The following PDE4DIP variants were observed in gnomAD, a reference collection of about 807,000 sequenced individuals.
PDE4DIP encodes the protein myomegalin.
A neutral mutation model predicts 221.4 loss-of-function variants in PDE4DIP; 59 were observed. The ratio of observed to expected loss-of-function variants is 0.27; its 90% CI spans 0.22 to 0.33. The LOEUF is 0.33. PDE4DIP is among the 10% of genes least tolerant of loss of function. The pLI, the probability that PDE4DIP is intolerant of heterozygous loss-of-function variation, is 1.00. For missense variants in PDE4DIP, 1,036 were observed against 2,154.2 expected (o/e 0.48, Z 10.28); for synonymous variants, 404 against 815.9 (o/e 0.50, Z 8.60).
At chr1:148,917,250 A>C (rs1405910738) in intron 1 of PDE4DIP, among the ~76,000 whole-genome samples, 1 of 151,796 alleles carries the variant, frequency 6.6e-6, no homozygotes, top group Non-Finnish European at 1.5e-5. Context: ...TGAATAGCTC[A>C]TGACACACTG....
At chr1:148,844,604 T>TA (rs1423992919) in intron 1 of PDE4DIP, 49 of 76,940 alleles carry the variant, frequency 6.4e-4, no homozygotes, top group African/African-American at 2.0e-3. Context: ...ATCCATTTTC[T>TA]AAAAAAGCAG....
At chr1:149,028,264 G>C (rs1380842881) in intron 40 of PDE4DIP, among the ~76,000 whole-genome samples, 2 of 148,534 alleles carry the variant, frequency 1.3e-5, no homozygotes, top group Non-Finnish European at 1.5e-5. Context: ...GTCATCCTCT[G>C]TGCTGTGAGA....
At position 149,032,189 on chromosome 1, in the gene PDE4DIP, C is replaced by G. The variant is rs1311512481; in HGVS notation, c.*204C>G. On this transcript the variant is annotated 3_prime_UTR_variant, in exon 44 of 44. Coordinates refer to ENST00000369354, the Ensembl canonical transcript of PDE4DIP. ...GCTGGGAGAAAGGCAGAAAGCCTTT[C>G]TGACGGCTATGGAATACGATTAGCC... is the stretch of plus-strand genomic sequence containing the variant. 3 of 977,870 alleles carry G rather than the reference C, an allele frequency of 3.1e-6. No homozygotes were observed. The Admixed American group carries it at 6.3e-5, about 20-fold the overall frequency. The allele number at this position is 977,870 out of a possible 1,614,324, so 60.6% of individuals were successfully genotyped here. A position where few individuals can be genotyped will look rare whatever the true frequency, so the allele number is the denominator to read the frequency against.
At chr1:148,986,406 A>G (rs1553549608) in intron 21 of PDE4DIP, 1 of 152,202 alleles carries the variant, frequency 6.6e-6, no homozygotes, top group East Asian at 1.9e-4. Flanking sequence ...TAAGTGTTAG[A>G]ATTTTAGCTA....
chr1:149,015,596 G>C (rs1298882647), intron 32 of PDE4DIP, among the ~76,000 whole-genome samples: 3 of 152,054 alleles, frequency 2.0e-5, no homozygotes, highest in African/African-American at 7.2e-5. Context: ...AAGGATCTAT[G>C]AAAGTATCAG....
At chr1:149,029,846 A>T (rs3851873) in exon 42 of PDE4DIP, 1 of 1,604,478 alleles carries the variant, frequency 6.2e-7, no homozygotes, top group Non-Finnish European at 8.5e-7. Flanking sequence ...AACAGGAGCG[A>T]CTCCTTCAGA....
intron 1 of PDE4DIP, among the ~76,000 whole-genome samples, chr1:148,817,989 G>A (rs1668206648): frequency 6.8e-6 from 1 of 147,844 alleles, no homozygotes; most frequent in African/African-American, 2.5e-5. Context: ...GCTAATTTTT[G>A]TATTTTTATT....
At chr1:148,990,039 C>G (rs1290994629) in intron 21 of PDE4DIP, 2 of 169,012 alleles carry the variant, frequency 1.2e-5, no homozygotes, top group African/African-American at 4.8e-5. Context: ...AGAGGCTTCA[C>G]TGAACAGGAC....
intron 5 of PDE4DIP, chr1:148,952,969 A>T: frequency 6.2e-7 from 1 of 1,607,868 alleles, no homozygotes; most frequent in Admixed American, 1.7e-5. Flanking sequence ...GAATCTATCG[A>T]TTCGACACAG....
At chr1:149,032,629 A>G in exon 44 of PDE4DIP, 1 of 233,672 alleles carries the variant, frequency 4.3e-6, no homozygotes, top group Non-Finnish European at 8.5e-6. Flanking sequence ...AACCTAGCAC[A>G]TCCTATTTCT....
At chr1:148,929,234 G>A (rs146152526) in exon 2 of PDE4DIP, 211 of 1,613,476 alleles carry the variant, frequency 1.3e-4, no homozygotes, top group Non-Finnish European at 6.9e-5. Flanking sequence ...AGCTTGAAAC[G>A]AGAACTCCAG....
At chr1:148,965,116 G>A (rs1224443670) in intron 9 of PDE4DIP, among the ~76,000 whole-genome samples, 3 of 152,058 alleles carry the variant, frequency 2.0e-5, no homozygotes, top group Non-Finnish European at 4.4e-5. Flanking sequence ...AACTAAGAAA[G>A]AAGAGTGATG....
chr1:149,032,462 C>G (rs370411165), exon 44 of PDE4DIP: 1 of 381,594 alleles, frequency 2.6e-6, no homozygotes, highest in Admixed American at 4.1e-5. Flanking sequence ...GGTGCCCTGC[C>G]GGACACTGCT....
rs1386915251 is a variant in PDE4DIP at position 149,032,222 on chromosome 1, A to C, written c.*237A>C. 16 of 689,378 alleles carry C rather than the reference A, an allele frequency of 2.3e-5. No individual in the cohort carries two copies. In the Admixed American group the frequency reaches 3.6e-4, roughly 15 times the overall value. The allele number at this position is 689,378 out of a possible 1,614,324, so 42.7% of individuals were successfully genotyped here. A position where few individuals can be genotyped will look rare whatever the true frequency, so the allele number is the denominator to read the frequency against. Reference sequence around the variant, plus strand: ...TATGGAATACGATTAGCCAAGGTCCACTTGGCCCAGCACTAAGAAAAAGAT... The same window carrying C: ...TATGGAATACGATTAGCCAAGGTCCCCTTGGCCCAGCACTAAGAAAAAGAT... On this transcript the variant is annotated 3_prime_UTR_variant, in exon 44 of 44. Coordinates refer to ENST00000369354, the Ensembl canonical transcript of PDE4DIP.
chr1:149,013,437 G>T (rs1466558741), intron 32 of PDE4DIP, among the ~76,000 whole-genome samples: 34 of 94,372 alleles, frequency 3.6e-4, no homozygotes, highest in Non-Finnish European at 5.8e-4. Context: ...GTAGACTGTG[G>T]ACAGTCACCT....
exon 43 of PDE4DIP, chr1:149,030,273 T>C (rs1450993136): frequency 1.2e-5 from 18 of 1,521,156 alleles, no homozygotes; most frequent in South Asian, 2.4e-5. Context: ...AAGGACTAAC[T>C]TAGAGGTAAG....
intron 41 of PDE4DIP, 115 bp from the exon 45 acceptor site, chr1:149,029,672 A>G (rs2076140129): frequency 2.7e-6 from 2 of 744,836 alleles, no homozygotes; most frequent in Non-Finnish European, 4.5e-6. Flanking sequence ...GAGGAAATCC[A>G]GTTCAAGAGA....
chr1:148,938,121 C>T (rs1394605017), intron 5 of PDE4DIP: 1 of 299,194 alleles, frequency 3.3e-6, no homozygotes. Flanking sequence ...TGGAGGCATA[C>T]CTAGGGAAGG....
intron 2 of PDE4DIP, 87 bp downstream of exon 2, chr1:148,863,392 T>G: frequency 2.0e-6 from 1 of 495,632 alleles, no homozygotes; most frequent in South Asian, 2.7e-5. Flanking sequence ...GTTCTCACTC[T>G]GTCACTATGG....
Sources: gnomAD v4.1 joint callset for allele counts (sites outside exome capture counted in the v4.1 genomes callset) on GRCh38, gnomAD v4.1.1 for gene constraint, MANE v1.5 for transcripts, NCBI Gene and HGNC (gene_info 2026-07-23, HGNC 2026-07-21) for gene names.